The following RAD51B variants were observed in gnomAD, a reference collection of about 807,000 sequenced individuals.
The protein encoded by RAD51B is DNA repair protein RAD51 homolog 2.
RAD51B carries 38 observed loss-of-function variants against 42.2 expected under a neutral mutation model. The observed-to-expected ratio is 0.90, with a 90% CI of 0.70 to 1.18. The LOEUF is 1.18. RAD51B is among the 50% of genes most tolerant of loss of function. The pLI is 0.00. For synonymous variants in RAD51B, 154 were observed against 145.2 expected, an observed-to-expected ratio of 1.06 and a Z score of -0.43; for missense variants, 373 against 400.7, an observed-to-expected ratio of 0.93 and a Z score of 0.59.
intron 8 of RAD51B, among the ~76,000 whole-genome samples, chr14:68,343,673 A>G (rs1403455859): frequency 6.6e-6 from 1 of 152,266 alleles, no homozygotes; most frequent in Non-Finnish European, 1.5e-5. Context: ...CTAATTTCCA[A>G]GACAATGGGG....
chr14:68,093,551 CT>C (rs2077140362), intron 7 of RAD51B, among the ~76,000 whole-genome samples: 2 of 152,130 alleles, frequency 1.3e-5, no homozygotes, highest in South Asian at 4.1e-4. Flanking sequence ...GTGATATCCC[CT>C]TTATCATTTT....
chr14:68,228,585 T>G (rs2080087375), intron 7 of RAD51B, among the ~76,000 whole-genome samples: 1 of 152,158 alleles, frequency 6.6e-6, no homozygotes, highest in Non-Finnish European at 1.5e-5. Flanking sequence ...TCATTTTGGG[T>G]CCATACCTAA....
At chr14:68,635,459 C>T (rs1186442716) in intron 10 of RAD51B, among the ~76,000 whole-genome samples, 4 of 152,036 alleles carry the variant, frequency 2.6e-5, no homozygotes, top group South Asian at 2.1e-4. Context: ...GCAAGCTACA[C>T]GTGTCATTTT....
intron 4 of RAD51B, among the ~76,000 whole-genome samples, chr14:67,837,241 C>T (rs962858730): frequency 1.3e-4 from 19 of 151,744 alleles, no homozygotes; most frequent in African/African-American, 4.6e-4. Flanking sequence ...CATGATTTTA[C>T]ATAAACTTTT....
intron 8 of RAD51B, among the ~76,000 whole-genome samples, chr14:68,297,868 C>T (rs960755607): frequency 1.3e-5 from 2 of 152,156 alleles, no homozygotes; most frequent in African/African-American, 2.4e-5. Context: ...CAGAGCCCCT[C>T]CCGTGAAGTT....
chr14:68,587,024 C>CA (rs112951347), intron 10 of RAD51B, among the ~76,000 whole-genome samples: 10,195 of 140,102 alleles, frequency 0.073, 1,014 homozygotes, highest in African/African-American at 0.23. Context: ...AACTCTGTCT[C>CA]AAAAAAAAAA....
chr14:68,446,834 G>A (rs2085432695), intron 9 of RAD51B, among the ~76,000 whole-genome samples: 1 of 152,170 alleles, frequency 6.6e-6, no homozygotes, highest in Admixed American at 6.5e-5. Context: ...AGTTACTCCT[G>A]ACATTCCAGT....
intron 8 of RAD51B, among the ~76,000 whole-genome samples, chr14:68,362,620 T>C (rs997706416): frequency 3.3e-5 from 5 of 152,052 alleles, no homozygotes; most frequent in East Asian, 3.9e-4. Context: ...GAGGCCAAGG[T>C]GGGCGGATCA....
At chr14:68,028,282 G>A (rs1401174379) in intron 7 of RAD51B, among the ~76,000 whole-genome samples, 1 of 152,172 alleles carries the variant, frequency 6.6e-6, no homozygotes, top group Non-Finnish European at 1.5e-5. Context: ...CTGGGCCTTG[G>A]GGGAGCCCCC....
chr14:68,272,902 TC>T (rs2081148005), intron 7 of RAD51B, among the ~76,000 whole-genome samples: 1 of 150,968 alleles, frequency 6.6e-6, no homozygotes, highest in African/African-American at 2.4e-5. Context: ...GCCAGGATGG[TC>T]TCGATCTCTT....
intron 10 of RAD51B, among the ~76,000 whole-genome samples, chr14:68,591,564 G>A (rs11623751): frequency 2.0e-5 from 3 of 151,998 alleles, no homozygotes; most frequent in African/African-American, 7.3e-5. Flanking sequence ...GGAGCCTGAT[G>A]GGTCTGATGC....
At chr14:68,658,768 G>A (rs562319868) in intron 11 of RAD51B, among the ~76,000 whole-genome samples, 2 of 152,340 alleles carry the variant, frequency 1.3e-5, no homozygotes, top group South Asian at 4.1e-4. Flanking sequence ...CATTTATTAA[G>A]TGCCTGATTT....
chr14:68,339,539 G>GGCC (rs1555394982), intron 8 of RAD51B: 2 of 391,714 alleles, frequency 5.1e-6, no homozygotes, highest in Non-Finnish European at 4.5e-6. Context: ...CTTGGGTGGC[G>GGCC]GGAGGAGAGA....
At chr14:68,081,972 T>G (rs538186777) in intron 7 of RAD51B, among the ~76,000 whole-genome samples, 96 of 152,284 alleles carry the variant, frequency 6.3e-4, no homozygotes, top group Admixed American at 2.0e-3. Flanking sequence ...TTCTTTTTCT[T>G]TTTTTTGAGA....
intron 7 of RAD51B, among the ~76,000 whole-genome samples, chr14:67,909,899 T>G (rs1057195838): frequency 3.3e-5 from 5 of 152,132 alleles, no homozygotes; most frequent in African/African-American, 1.2e-4. Flanking sequence ...CAAGCCATCC[T>G]CCCATCTTGG....
intron 7 of RAD51B, among the ~76,000 whole-genome samples, chr14:67,960,151 C>T (rs1196865081): frequency 1.3e-5 from 2 of 151,000 alleles, no homozygotes; most frequent in Admixed American, 6.6e-5. Flanking sequence ...GCAAACATAA[C>T]GTTCTATGTT....
intron 7 of RAD51B, among the ~76,000 whole-genome samples, chr14:68,226,379 A>G (rs2080039106): frequency 6.6e-6 from 1 of 152,186 alleles, no homozygotes; most frequent in Non-Finnish European, 1.5e-5. Flanking sequence ...AGAGCATCTC[A>G]TCTGATATAG....
chr14:67,916,619 T>A (rs1249720102), intron 7 of RAD51B, among the ~76,000 whole-genome samples: 2 of 152,164 alleles, frequency 1.3e-5, no homozygotes, highest in Non-Finnish European at 2.9e-5. Context: ...AGGCTTTATT[T>A]ATTTTAGCCA....
chr14:68,502,106 C>A (rs1884966725), intron 10 of RAD51B, among the ~76,000 whole-genome samples: 1 of 152,210 alleles, frequency 6.6e-6, no homozygotes, highest in South Asian at 2.1e-4. Context: ...GCTTCCTCAA[C>A]CAGAAAGGTG....
Sources: gnomAD v4.1 joint callset for allele counts (sites outside exome capture counted in the v4.1 genomes callset) on GRCh38, gnomAD v4.1.1 for gene constraint, MANE v1.5 for transcripts, NCBI Gene and HGNC (gene_info 2026-07-23, HGNC 2026-07-21) for gene names.